Variants in ATL2 observed in about 807,000 individuals in gnomAD.
ATL2 encodes the protein atlastin GTPase 2, also known as atlastin-2.
Under a neutral mutation model 73.9 loss-of-function variants are expected in ATL2, and 31 were observed. The ratio of observed to expected loss-of-function variants is 0.42; its 90% CI spans 0.32 to 0.57. The LOEUF (loss-of-function observed/expected upper bound fraction) is 0.57, where lower values mean the gene tolerates loss of function less well. ATL2 is among the 20% of genes least tolerant of loss of function. The pLI is 0.14. For missense variants in ATL2, 738 were observed against 702.6 expected (o/e 1.05, Z -0.57); for synonymous variants, 291 against 237.5 (o/e 1.23, Z -2.07).
rs561622594 is a variant in ATL2, at chr2:38,320,260, G to A, written c.364-1241C>T. Among the ~76,000 whole-genome samples the A allele has an allele frequency of 2.6e-5, 4 of 152,226 alleles. No homozygotes were observed. In the South Asian group the frequency reaches 8.3e-4, roughly 32 times the overall value. ...TCTCATTAGATGGTGTTAAATTAGG[G>A]TAAGGAAGATTGTTTGGTGTGCTAA... is the stretch of plus-strand genomic sequence containing the variant. On this transcript the variant is annotated intron_variant, in intron 2 of 12. Coordinates refer to ENST00000378954, the MANE Select transcript of ATL2 (RefSeq NM_001135673.4).
intron 1 of ATL2, among the ~76,000 whole-genome samples, chr2:38,357,375 T>A (rs755505165): frequency 1.3e-5 from 2 of 151,490 alleles, no homozygotes; most frequent in Admixed American, 6.6e-5. Flanking sequence ...TATATATGTT[T>A]GTTTAATATA....
intron 6 of ATL2, among the ~76,000 whole-genome samples, chr2:38,313,976 T>G (rs1039347444): frequency 6.6e-6 from 1 of 152,178 alleles, no homozygotes; most frequent in Non-Finnish European, 1.5e-5. Context: ...GCTCAACTAC[T>G]TAATAAAAGT....
At position 38,367,599 on chromosome 2, in the gene ATL2, A is replaced by AC. The variant is rs1671408263; in HGVS notation, c.118+9543_118+9544insG. Among the ~76,000 whole-genome samples, 3 of 138,592 alleles carry AC rather than the reference A, an allele frequency of 2.2e-5. 1 individual carries two copies. Among genetic ancestry groups the AC allele is most frequent in the African/African-American group, 9.5e-5 (3 of 31,536 alleles). 90.9% of individuals were successfully genotyped at this position (138,592 alleles called of 152,430 possible). A position where few individuals can be genotyped will look rare whatever the true frequency, so the allele number is the denominator to read the frequency against. ...AACAGAGCAAGAATCCATCTCAAAA[A>AC]AAAAAAAAAAAAAAAAACCGCCCAT... On this transcript the variant is annotated intron_variant, in intron 1 of 12. Transcript: ENST00000378954.
chr2:38,335,384 A>G (rs544057327), intron 2 of ATL2, among the ~76,000 whole-genome samples: 240 of 152,322 alleles, frequency 1.6e-3, no homozygotes, highest in Non-Finnish European at 2.5e-3. Context: ...TATTCATCCA[A>G]TGAAATATCA....
rs1667972657 is a variant in ATL2, at chr2:38,315,304, C to T, written c.634G>A (p.Asp212Asn). Residue 212 changes from aspartate to asparagine, a missense_variant, in exon 5 of 13, where the codon GAT becomes AAT. Asp to Asn is a conservative substitution (Grantham distance 23). Coordinates refer to ENST00000378954, the MANE Select transcript of ATL2 (RefSeq NM_001135673.4). ...VYNLSQNIQE[D>N]DLQHLQLFTE... ...CGTACTTGCAAATGTTGAAGATCAT[C>T]TTCTTGAATATTCTGAGACAGATTA... 6.7e-7 allele frequency: 1 copy of T among 1,491,266 alleles called. No individual in the cohort carries two copies. Among genetic ancestry groups the T allele is most frequent in the Non-Finnish European group, 8.8e-7 (1 of 1,130,180 alleles). 92.4% of individuals were successfully genotyped at this position (1,491,266 alleles called of 1,614,324 possible). A position where few individuals can be genotyped will look rare whatever the true frequency, so the allele number is the denominator to read the frequency against.
chr2:38,328,155 A>T (rs911938257), intron 2 of ATL2, among the ~76,000 whole-genome samples: 1 of 152,212 alleles, frequency 6.6e-6, no homozygotes, highest in Admixed American at 6.5e-5. Flanking sequence ...TTCAGAACAA[A>T]GATTAAGAGT....
chr2:38,362,916 A>C (rs1671092615), intron 1 of ATL2, among the ~76,000 whole-genome samples: 1 of 152,202 alleles, frequency 6.6e-6, no homozygotes, highest in Non-Finnish European at 1.5e-5. Context: ...AAGAACTGAA[A>C]GACATGGACA....
At chr2:38,359,552 A>G (rs1490920821) in intron 1 of ATL2, 2 of 152,136 alleles carry the variant, frequency 1.3e-5, no homozygotes, top group Non-Finnish European at 2.9e-5. Flanking sequence ...TTAAATCAGG[A>G]AACAAAGAGT....
At chr2:38,309,259 A>G in intron 9 of ATL2, 120 bp downstream of exon 9, 1 of 985,650 alleles carries the variant, frequency 1.0e-6, no homozygotes, top group Middle Eastern at 3.4e-4. Context: ...CAGAAAGATA[A>G]ATCACAAATC....
intron 2 of ATL2, among the ~76,000 whole-genome samples, chr2:38,326,899 A>G (rs1249883921): frequency 6.6e-6 from 1 of 152,070 alleles, no homozygotes; most frequent in African/African-American, 2.4e-5. Context: ...GAGGCAGGAG[A>G]ATCACTTGAA....
At chr2:38,316,004 A>AT (rs1230342594) in intron 4 of ATL2, among the ~76,000 whole-genome samples, 4 of 152,178 alleles carry the variant, frequency 2.6e-5, no homozygotes, top group African/African-American at 9.7e-5. Context: ...GGAAACGGGG[A>AT]TTTTCATCCA....
At position 38,308,756 on chromosome 2, in the gene ATL2, T is replaced by C. The variant is rs528964359; in HGVS notation, c.1071+623A>G. Among the ~76,000 whole-genome samples the C allele has an allele frequency of 5.7e-4, 86 of 152,022 alleles. 1 individual carries two copies. The highest frequency in any genetic ancestry group is 8.0e-4 in the Non-Finnish European group (54 of 67,896). ...ACTACGTACCCACAAAAATTAAAAA[T>C]TAAAAGTAAAAATAAATTTTAAAAA... On this transcript the variant is annotated intron_variant, in intron 9 of 12. Coordinates refer to ENST00000378954, the MANE Select transcript of ATL2 (RefSeq NM_001135673.4).
chr2:38,319,024 T>TAA lies in ATL2; in HGVS notation c.364-7_364-6dup. Reference sequence around the variant, plus strand: ...ACCAATCCAACTTTGAGAATCCTGTTAAAGTCAAGGATAAATGTAAAATAC... The same window carrying TAA: ...ACCAATCCAACTTTGAGAATCCTGTTAAAAAGTCAAGGATAAATGTAAAATAC... On this transcript the variant is annotated splice_region_variant and splice_polypyrimidine_tract_variant and intron_variant, in intron 2 of 12. Transcript: ENST00000378954. 1 of 1,609,972 alleles carries TAA rather than the reference T, an allele frequency of 6.2e-7. No individual in the cohort carries two copies. Among genetic ancestry groups the TAA allele is most frequent in the Non-Finnish European group, 8.5e-7 (1 of 1,178,550 alleles).
intron 9 of ATL2, among the ~76,000 whole-genome samples, chr2:38,302,719 C>G (rs1485571177): frequency 6.6e-6 from 1 of 152,058 alleles, no homozygotes; most frequent in Admixed American, 6.5e-5. Context: ...AGCACCAAGG[C>G]AGTACCTCTA....
intron 1 of ATL2, chr2:38,376,419 C>T: frequency 2.6e-6 from 1 of 379,306 alleles, no homozygotes; most frequent in Non-Finnish European, 4.6e-6. Context: ...AGTGATCAGG[C>T]CTTACTATCG....
intron 2 of ATL2, among the ~76,000 whole-genome samples, chr2:38,328,291 A>G (rs1004993487): frequency 6.6e-6 from 1 of 152,216 alleles, no homozygotes; most frequent in East Asian, 1.9e-4. Context: ...TAGAAATCCA[A>G]TAACATAGTC....
intron 1 of ATL2, among the ~76,000 whole-genome samples, chr2:38,367,463 G>A (rs552531545): frequency 1.9e-4 from 28 of 150,574 alleles, no homozygotes; most frequent in Non-Finnish European, 2.8e-4. Flanking sequence ...AAAATTAGCC[G>A]GGCATGGTGG....
intron 4 of ATL2, among the ~76,000 whole-genome samples, chr2:38,315,659 G>A (rs1195140181): frequency 6.6e-6 from 1 of 152,030 alleles, no homozygotes; most frequent in African/African-American, 2.4e-5. Context: ...TTAATGTTAA[G>A]ATACGATCAT....
chr2:38,318,740 A>G (rs1668163175), intron 3 of ATL2, 101 bp from the exon 4 acceptor site: 1 of 1,324,604 alleles, frequency 7.5e-7, no homozygotes, highest in Non-Finnish European at 1.0e-6. Flanking sequence ...TAAATCAAGA[A>G]AAGTACTTAT....
Sources: allele counts gnomAD v4.1 joint callset (sites outside exome capture counted in the v4.1 genomes callset), GRCh38; gene constraint gnomAD v4.1.1; transcripts MANE v1.5; gene names NCBI Gene and HGNC (gene_info 2026-07-23, HGNC 2026-07-21).